TAFA5: variants seen among roughly 807,000 people sequenced by gnomAD.
TAFA5 encodes the protein chemokine-like protein TAFA-5.
A neutral mutation model predicts 15.3 loss-of-function variants in TAFA5; 6 were observed. That is an observed-to-expected ratio of 0.39 (90% CI 0.21 to 0.77). The LOEUF (loss-of-function observed/expected upper bound fraction) is 0.77, where lower values mean the gene tolerates loss of function less well. Among genes scored for constraint, TAFA5 ranks in the 30% least tolerant of loss-of-function variants. The pLI is 0.41. For missense variants in TAFA5, 161 were observed against 193.1 expected (o/e 0.83, Z 0.98); for synonymous variants, 103 against 80.7 (o/e 1.28, Z -1.48).
At chr22:48,680,323 A>G (rs1158761582) in intron 2 of TAFA5, among the ~76,000 whole-genome samples, 1 of 152,214 alleles carries the variant, frequency 6.6e-6, no homozygotes, top group African/African-American at 2.4e-5. Flanking sequence ...GGGTTCTCAG[A>G]ACAAAAGATG....
chr22:48,512,942 A>AG (rs1921275374), intron 1 of TAFA5, among the ~76,000 whole-genome samples: 1 of 139,450 alleles, frequency 7.2e-6, no homozygotes, highest in Non-Finnish European at 1.6e-5. Context: ...AAAAAAAAAA[A>AG]AAGAGAGAGA....
chr22:48,492,509 CTTCT>C (rs1928189986), intron 1 of TAFA5, among the ~76,000 whole-genome samples: 1 of 152,138 alleles, frequency 6.6e-6, no homozygotes, highest in Non-Finnish European at 1.5e-5. Context: ...AGAGTCCGGC[CTTCT>C]TTCTTTCTCG....
rs147769250 is a variant in TAFA5 at position 48,728,855 on chromosome 22, C to T, written c.391-20984C>T. 3.3e-3 allele frequency among the ~76,000 whole-genome samples: 496 copies of T among 152,246 alleles called. 4 individuals carry two copies. The highest frequency in any genetic ancestry group is 0.011 in the African/African-American group (465 of 41,540). ...ACAAACCTATAAAAATGTGGTTTTA[C>T]TTCTTTACATAAATTATTTTATATC... is the stretch of plus-strand genomic sequence containing the variant. On this transcript the variant is annotated intron_variant, in intron 3 of 3. Transcript: ENST00000402357.
At chr22:48,491,171 G>T (rs963371944) in intron 1 of TAFA5, among the ~76,000 whole-genome samples, 1 of 152,216 alleles carries the variant, frequency 6.6e-6, no homozygotes, top group South Asian at 2.1e-4. Flanking sequence ...CCTGCAGGGA[G>T]CAGGGTCTGG....
intron 1 of TAFA5, among the ~76,000 whole-genome samples, chr22:48,628,704 C>T (rs560836348): frequency 6.6e-6 from 1 of 152,342 alleles, no homozygotes; most frequent in South Asian, 2.1e-4. Flanking sequence ...AGAGACAGGG[C>T]ATGGCTGCCC....
intron 1 of TAFA5, among the ~76,000 whole-genome samples, chr22:48,506,128 GT>G (rs2147098489): frequency 6.6e-6 from 1 of 152,276 alleles, no homozygotes; most frequent in Admixed American, 6.5e-5. Flanking sequence ...TGTCTCCAGG[GT>G]GCAGCATGTG....
chr22:48,735,439 G>A (rs1929981917), intron 3 of TAFA5, among the ~76,000 whole-genome samples: 1 of 152,184 alleles, frequency 6.6e-6, no homozygotes, highest in South Asian at 2.1e-4. Context: ...AATACGAAAT[G>A]GAAGCAGCCA....
At chr22:48,675,906 C>T (rs1601662727) in intron 2 of TAFA5, among the ~76,000 whole-genome samples, 1 of 152,252 alleles carries the variant, frequency 6.6e-6, no homozygotes, top group East Asian at 1.9e-4. Context: ...CATCACAGCG[C>T]ACCCTGACGC....
At chr22:48,632,814 G>A (rs1356297963) in intron 1 of TAFA5, among the ~76,000 whole-genome samples, 1 of 152,218 alleles carries the variant, frequency 6.6e-6, no homozygotes, top group African/African-American at 2.4e-5. Context: ...AGGCTCCAGG[G>A]CGGAGTCTCT....
intron 1 of TAFA5, among the ~76,000 whole-genome samples, chr22:48,536,208 A>C (rs1341571548): frequency 1.3e-5 from 2 of 152,232 alleles, no homozygotes; most frequent in Non-Finnish European, 2.9e-5. Context: ...ACACGTTTCC[A>C]TTAATTAGCA....
chr22:48,714,248 G>A (rs1241987039), intron 3 of TAFA5, among the ~76,000 whole-genome samples: 2 of 152,232 alleles, frequency 1.3e-5, no homozygotes, highest in Admixed American at 1.3e-4. Flanking sequence ...AGGGTGACAG[G>A]GACACGAAAG....
chr22:48,561,534 C>T (rs133453), intron 1 of TAFA5, among the ~76,000 whole-genome samples: 82,037 of 151,974 alleles, frequency 0.54, 24,317 homozygotes, highest in Non-Finnish European at 0.67. Flanking sequence ...CACCTCTCCA[C>T]GGTTTGAAAT....
At chr22:48,518,768 G>A (rs1921504630) in intron 1 of TAFA5, among the ~76,000 whole-genome samples, 3 of 152,312 alleles carry the variant, frequency 2.0e-5, no homozygotes, top group East Asian at 3.9e-4. Flanking sequence ...CCAGCTTTCC[G>A]GAGTGCTGTG....
chr22:48,576,479 C>T (rs753515423), intron 1 of TAFA5: 2 of 1,461,834 alleles, frequency 1.4e-6, no homozygotes, highest in Non-Finnish European at 9.1e-7. Flanking sequence ...TGGGACTCCG[C>T]GATGCAGCTC....
At chr22:48,576,563 T>G (rs76899092) in intron 1 of TAFA5, 1 of 1,504,238 alleles carries the variant, frequency 6.6e-7, no homozygotes, top group African/African-American at 1.4e-5. Context: ...GCGCAGTTCC[T>G]CAAAGAAGGT....
At position 48,729,708 on chromosome 22, in the gene TAFA5, A is replaced by G. The variant is rs1036451302; in HGVS notation, c.391-20131A>G. Among the ~76,000 whole-genome samples, 5 of 147,038 alleles carry G rather than the reference A, an allele frequency of 3.4e-5. No homozygotes were observed. The South Asian group carries it at 8.3e-4, about 25-fold the overall frequency. ...GTTTATATTTAAATTTATTTTAAATATATAAATATAAATTTAAATATAAAA... is the reference window on the plus strand; with the variant it reads ...GTTTATATTTAAATTTATTTTAAATGTATAAATATAAATTTAAATATAAAA... On this transcript the variant is annotated intron_variant, in intron 3 of 3. Coordinates refer to ENST00000402357, the MANE Select transcript of TAFA5 (RefSeq NM_001082967.3).
chr22:48,588,462 C>G (rs73890917), intron 1 of TAFA5, among the ~76,000 whole-genome samples: 1 of 152,146 alleles, frequency 6.6e-6, no homozygotes, highest in African/African-American at 2.4e-5. Context: ...AGGCATTGCT[C>G]GCAGTGGGAG....
chr22:48,555,419 G>C (rs1326374370), intron 1 of TAFA5, among the ~76,000 whole-genome samples: 1 of 152,206 alleles, frequency 6.6e-6, no homozygotes, highest in African/African-American at 2.4e-5. Flanking sequence ...CGGGGAGGGC[G>C]GCTGCTCCCT....
intron 1 of TAFA5, among the ~76,000 whole-genome samples, chr22:48,500,166 C>T (rs1005734934): frequency 2.0e-5 from 3 of 151,996 alleles, no homozygotes; most frequent in Non-Finnish European, 2.9e-5. Context: ...ATGATAAAAA[C>T]GGAGGTGACG....
Sources: allele counts gnomAD v4.1 joint callset (sites outside exome capture counted in the v4.1 genomes callset), GRCh38; gene constraint gnomAD v4.1.1; transcripts MANE v1.5; gene names NCBI Gene and HGNC (gene_info 2026-07-23, HGNC 2026-07-21).